TRAF3IP1: variants seen among roughly 807,000 people sequenced by gnomAD.
The protein encoded by TRAF3IP1 is intraflagellar transport 54.
A neutral mutation model predicts 89.9 loss-of-function variants in TRAF3IP1; 53 were observed. The ratio of observed to expected loss-of-function variants is 0.59; its 90% CI spans 0.47 to 0.74. TRAF3IP1 has a LOEUF of 0.74. Ranked by LOEUF, TRAF3IP1 falls within the 30% of genes least tolerant of loss-of-function variation. The pLI is 0.00. For synonymous variants in TRAF3IP1, 311 were observed against 322.1 expected (o/e 0.97, Z 0.37); for missense variants, 806 against 866.1 (o/e 0.93, Z 0.87).
rs1697775537 is a variant in TRAF3IP1, at chr2:238,325,419, G to A, written c.192+45G>A. ...CTCCTATTGACTCCTCGCCTTAACG[G>A]ATGGGATTTTTTGTAGGCCTGGTAG... On this transcript the variant is annotated intron_variant, in intron 2 of 16. Transcript: ENST00000373327. 12 of 1,603,668 alleles carry A rather than the reference G, an allele frequency of 7.5e-6. No individual in the cohort carries two copies. In the Admixed American group the frequency reaches 2.0e-4, roughly 27 times the overall value.
At chr2:238,372,335 GTGTTCTCAT>G (rs1392133347) in intron 15 of TRAF3IP1, among the ~76,000 whole-genome samples, 2 of 152,008 alleles carry the variant, frequency 1.3e-5, no homozygotes, top group Non-Finnish European at 2.9e-5. Flanking sequence ...CTGTGTCCAT[GTGTTCTCAT>G]TGTTCAACTC....
At chr2:238,367,842 C>T (rs1699949400) in intron 15 of TRAF3IP1, among the ~76,000 whole-genome samples, 1 of 152,218 alleles carries the variant, frequency 6.6e-6, no homozygotes, top group African/African-American at 2.4e-5. Context: ...AGCACCGCGG[C>T]TCCAGCATGC....
intron 15 of TRAF3IP1, among the ~76,000 whole-genome samples, chr2:238,360,339 C>T (rs6725753): frequency 0.01 from 1,582 of 152,250 alleles, 36 homozygotes; most frequent in African/African-American, 0.036. Context: ...AACTGCCAGA[C>T]CATAGGGCTG....
At chr2:238,349,462 C>A in intron 12 of TRAF3IP1, 54 bp downstream of exon 12, 2 of 1,546,984 alleles carry the variant, frequency 1.3e-6, no homozygotes, top group African/African-American at 1.4e-5. Context: ...CTCCAGTGGG[C>A]ATGGTGCCTC....
intron 14 of TRAF3IP1, 58 bp downstream of exon 14, chr2:238,353,267 TC>T (rs1699255228): frequency 1.3e-6 from 2 of 1,588,892 alleles, no homozygotes; most frequent in Admixed American, 3.4e-5. Flanking sequence ...ATGCACCTTC[TC>T]CACGTGGGCC....
At chr2:238,344,763 C>G (rs772466241) in intron 9 of TRAF3IP1, 165 bp downstream of exon 9, 1 of 708,986 alleles carries the variant, frequency 1.4e-6, no homozygotes, top group Non-Finnish European at 2.6e-6. Context: ...AAACTAGAAT[C>G]GAACATGGTG....
intron 15 of TRAF3IP1, among the ~76,000 whole-genome samples, chr2:238,361,969 C>T (rs1271138181): frequency 2.0e-5 from 3 of 152,222 alleles, no homozygotes; most frequent in African/African-American, 4.8e-5. Context: ...CCAGGGAGGC[C>T]GCTGGCTCTC....
At chr2:238,350,896 A>AAGGAGT (rs897726575) in intron 12 of TRAF3IP1, among the ~76,000 whole-genome samples, 1 of 150,636 alleles carries the variant, frequency 6.6e-6, no homozygotes, top group Non-Finnish European at 1.5e-5. Context: ...GAGAGAAGGG[A>AAGGAGT]AGGAGTAGGA....
At chr2:238,371,300 T>TG (rs1700102863) in intron 15 of TRAF3IP1, among the ~76,000 whole-genome samples, 1 of 151,996 alleles carries the variant, frequency 6.6e-6, no homozygotes. Context: ...TTTTTTTTGG[T>TG]GGGGGGAACA....
At position 238,372,197 on chromosome 2, in the gene TRAF3IP1, G is replaced by A. The variant is rs545897897; in HGVS notation, c.1689+16117G>A. ...GCACAATGTGCAGGTTTGTTACATA[G>A]GTATACATGTGCCATGTTGGTTTGC... On this transcript the variant is annotated intron_variant, in intron 15 of 16. Coordinates refer to ENST00000373327, the MANE Select transcript of TRAF3IP1 (RefSeq NM_015650.4). 1.1e-4 allele frequency among the ~76,000 whole-genome samples: 16 copies of A among 152,078 alleles called. No homozygotes were observed. The East Asian group carries it at 2.9e-3, about 28-fold the overall frequency.
In TRAF3IP1 at chr2:238,349,659, T is replaced by C. The variant is rs548620116; in HGVS notation, c.1451+251T>C. ...ATGGGAAAATGTTGGACTGCATTTC[T>C]CTGACCCCTAGATTGAAGACTTTCT... is the stretch of plus-strand genomic sequence containing the variant. On this transcript the variant is annotated intron_variant, in intron 12 of 16. Transcript: ENST00000373327. 5.3e-5 allele frequency among the ~76,000 whole-genome samples: 8 copies of C among 152,362 alleles called. No individual in the cohort carries two copies. In the South Asian group the frequency reaches 1.7e-3, roughly 32 times the overall value.
chr2:238,325,786 T>C (rs1307171309), intron 2 of TRAF3IP1, 23 bp from the exon 3 acceptor site: 3 of 1,603,218 alleles, frequency 1.9e-6, no homozygotes, highest in Admixed American at 1.7e-5. Context: ...GTAATATTTG[T>C]ATTTTCAATG....
chr2:238,348,234 T>C (rs1268050418), intron 10 of TRAF3IP1, among the ~76,000 whole-genome samples: 1 of 152,028 alleles, frequency 6.6e-6, no homozygotes, highest in Non-Finnish European at 1.5e-5. Context: ...TTAAAAGCAC[T>C]GGTAATTCTA....
intron 15 of TRAF3IP1, among the ~76,000 whole-genome samples, chr2:238,391,199 T>G (rs1027186141): frequency 6.6e-6 from 1 of 152,288 alleles, no homozygotes; most frequent in Non-Finnish European, 1.5e-5. Flanking sequence ...TCAAGTGATC[T>G]GCCCACCTCA....
intron 5 of TRAF3IP1, among the ~76,000 whole-genome samples, chr2:238,330,279 G>A (rs773049831): frequency 2.6e-5 from 4 of 152,268 alleles, no homozygotes; most frequent in Admixed American, 6.5e-5. Flanking sequence ...TGTAATTATT[G>A]TTTAATTAAA....
intron 5 of TRAF3IP1, among the ~76,000 whole-genome samples, chr2:238,331,748 A>T (rs72980148): frequency 0.026 from 3,927 of 152,218 alleles, 77 homozygotes; most frequent in Non-Finnish European, 0.041. Flanking sequence ...TCTGGTAAAA[A>T]GCGCCAGGCA....
At chr2:238,366,851 T>C (rs1392991886) in intron 15 of TRAF3IP1, among the ~76,000 whole-genome samples, 1 of 152,112 alleles carries the variant, frequency 6.6e-6, no homozygotes, top group Admixed American at 6.5e-5. Context: ...GGGAATGATG[T>C]TGTGTTAGCC....
At chr2:238,321,164 A>G (rs957615420) in intron 1 of TRAF3IP1, among the ~76,000 whole-genome samples, 11 of 152,158 alleles carry the variant, frequency 7.2e-5, no homozygotes, top group African/African-American at 2.2e-4. Context: ...GCCGCTTACA[A>G]GGAGGCTCCG....
At chr2:238,346,048 G>T (rs1437729672) in intron 9 of TRAF3IP1, among the ~76,000 whole-genome samples, 1 of 152,074 alleles carries the variant, frequency 6.6e-6, no homozygotes, top group Non-Finnish European at 1.5e-5. Flanking sequence ...TTAATCCAGG[G>T]TCTGTTCCTA....
Sources: allele counts gnomAD v4.1 joint callset (sites outside exome capture counted in the v4.1 genomes callset), GRCh38; gene constraint gnomAD v4.1.1; transcripts MANE v1.5; gene names NCBI Gene and HGNC (gene_info 2026-07-23, HGNC 2026-07-21).